Variants in MYO6 observed in about 807,000 individuals in gnomAD.
The protein encoded by MYO6 is myosin VI.
In MYO6, 74 loss-of-function variants were observed where a neutral mutation model predicts 178.7. The observed-to-expected ratio is 0.41, with a 90% CI of 0.34 to 0.50. MYO6 has a LOEUF of 0.50. Ranked by LOEUF, MYO6 falls within the 20% of genes least tolerant of loss-of-function variation. The pLI is 0.09. For missense variants in MYO6, 1,330 were observed against 1,547.4 expected (o/e 0.86, Z 2.36); for synonymous variants, 477 against 504.6 (o/e 0.95, Z 0.73).
chr6:75,895,611 G>A (rs1019502633), intron 29 of MYO6, among the ~76,000 whole-genome samples: 11 of 150,878 alleles, frequency 7.3e-5, no homozygotes, highest in Non-Finnish European at 1.6e-4. Flanking sequence ...TCTGCCTCTC[G>A]GGTTCAAGCG....
At chr6:75,822,300 GT>G (rs1771969113) in intron 2 of MYO6, among the ~76,000 whole-genome samples, 1 of 152,018 alleles carries the variant, frequency 6.6e-6, no homozygotes, top group Non-Finnish European at 1.5e-5. Flanking sequence ...GTTCTACCAT[GT>G]TGGCCAGGCT....
intron 30 of MYO6, among the ~76,000 whole-genome samples, chr6:75,901,708 C>A (rs1562305105): frequency 6.6e-6 from 1 of 152,100 alleles, no homozygotes; most frequent in Non-Finnish European, 1.5e-5. Context: ...TAATTGAATA[C>A]CCTTTATTTC....
intron 1 of MYO6, among the ~76,000 whole-genome samples, chr6:75,786,529 T>C (rs1375076791): frequency 1.3e-5 from 2 of 152,222 alleles, no homozygotes; most frequent in African/African-American, 4.8e-5. Context: ...TCATAGTGTG[T>C]TGCTTACTTT....
chr6:75,836,232 A>G lies in MYO6; in HGVS notation c.553+276A>G, dbSNP rs1474903026. 5.3e-5 allele frequency among the ~76,000 whole-genome samples: 8 copies of G among 152,246 alleles called. No homozygotes were observed. In the East Asian group the frequency reaches 1.3e-3, roughly 26 times the overall value. ...GCATAAATATCTGTTGAATGAATGA[A>G]AGAATACAGGAATGTCTTTAGCTTC... On this transcript the variant is annotated intron_variant, in intron 7 of 34. Coordinates refer to ENST00000369977, the MANE Select transcript of MYO6 (RefSeq NM_004999.4).
In MYO6 at chr6:75,852,935, C is replaced by T. The variant is rs533531319; in HGVS notation, c.1079-2204C>T. 5.3e-5 allele frequency among the ~76,000 whole-genome samples: 8 copies of T among 152,298 alleles called. No individual in the cohort carries two copies. The South Asian group carries it at 1.7e-3, about 32-fold the overall frequency. ...GAACTGTCAGACTTTTTCAAAGCAG[C>T]TTTTCCACTTTACAAAGCTATTCCC... On this transcript the variant is annotated intron_variant, in intron 11 of 34. Coordinates refer to ENST00000369977, the MANE Select transcript of MYO6 (RefSeq NM_004999.4).
chr6:75,854,706 T>C (rs1775587419), intron 11 of MYO6, among the ~76,000 whole-genome samples: 1 of 152,160 alleles, frequency 6.6e-6, no homozygotes, highest in Non-Finnish European at 1.5e-5. Flanking sequence ...CATAGACAGA[T>C]ATGTACATCC....
At chr6:75,756,968 CATATATA>C (rs1777436326) in intron 1 of MYO6, among the ~76,000 whole-genome samples, 1 of 25,386 alleles carries the variant, frequency 3.9e-5, no homozygotes, top group Admixed American at 6.0e-4. Flanking sequence ...TGTATACACA[CATATATA>C]GTGTGTATAT....
intron 4 of MYO6, 84 bp downstream of exon 4, chr6:75,828,697 T>A (rs1455534373): frequency 1.1e-6 from 1 of 896,880 alleles, no homozygotes; most frequent in African/African-American, 1.6e-5. Context: ...CTTGAAATTG[T>A]CTAACAGAAA....
intron 1 of MYO6, among the ~76,000 whole-genome samples, chr6:75,795,246 A>T (rs558951157): frequency 6.6e-6 from 1 of 152,328 alleles, no homozygotes; most frequent in East Asian, 1.9e-4. Flanking sequence ...TCAAGGCAAA[A>T]TGCCTGCAGC....
At chr6:75,913,407 A>G (rs1448230783) in intron 33 of MYO6, among the ~76,000 whole-genome samples, 1 of 152,176 alleles carries the variant, frequency 6.6e-6, no homozygotes, top group East Asian at 1.9e-4. Context: ...ATTCTAAGAG[A>G]AATCTGATTT....
intron 1 of MYO6, among the ~76,000 whole-genome samples, chr6:75,790,054 CA>C (rs1264646663): frequency 6.6e-6 from 1 of 152,168 alleles, no homozygotes; most frequent in African/African-American, 2.4e-5. Context: ...TGTGTTCCTG[CA>C]AATGACAGGA....
intron 7 of MYO6, among the ~76,000 whole-genome samples, chr6:75,839,277 C>T (rs775392559): frequency 1.4e-4 from 22 of 152,040 alleles, no homozygotes; most frequent in Non-Finnish European, 2.5e-4. Context: ...CAAGCTCTGC[C>T]TCCGGGGTTC....
intron 33 of MYO6, among the ~76,000 whole-genome samples, chr6:75,912,158 C>T (rs1306491778): frequency 6.6e-6 from 1 of 151,954 alleles, no homozygotes; most frequent in Non-Finnish European, 1.5e-5. Flanking sequence ...AATGATACCT[C>T]CTTAAATAGG....
intron 1 of MYO6, among the ~76,000 whole-genome samples, chr6:75,790,871 G>A (rs2150084783): frequency 6.6e-6 from 1 of 152,180 alleles, no homozygotes; most frequent in Middle Eastern, 3.4e-3. Flanking sequence ...ATGTAATTAT[G>A]CAGATGTCAT....
intron 23 of MYO6, among the ~76,000 whole-genome samples, chr6:75,883,819 A>G (rs1450149890): frequency 6.6e-6 from 1 of 152,222 alleles, no homozygotes; most frequent in African/African-American, 2.4e-5. Flanking sequence ...AGTGCTAGGT[A>G]CATGAAAAGG....
chr6:75,769,453 G>A (rs1778725207), intron 1 of MYO6, among the ~76,000 whole-genome samples: 1 of 152,308 alleles, frequency 6.6e-6, no homozygotes, highest in African/African-American at 2.4e-5. Context: ...AAAGAAAGGG[G>A]TTACAGGTCC....
At chr6:75,819,407 A>G (rs1562204071) in intron 2 of MYO6, among the ~76,000 whole-genome samples, 1 of 152,232 alleles carries the variant, frequency 6.6e-6, no homozygotes, top group Non-Finnish European at 1.5e-5. Context: ...TCAGCTTCAA[A>G]ATAATTATTA....
intron 1 of MYO6, among the ~76,000 whole-genome samples, chr6:75,753,211 T>C (rs1007227625): frequency 1.3e-5 from 2 of 152,092 alleles, no homozygotes; most frequent in Non-Finnish European, 2.9e-5. Context: ...GTTGGGTGGC[T>C]ACCATTACGG....
intron 1 of MYO6, among the ~76,000 whole-genome samples, chr6:75,808,911 A>C (rs2150139997): frequency 6.6e-6 from 1 of 152,298 alleles, no homozygotes; most frequent in South Asian, 2.1e-4. Flanking sequence ...TAAGAGACAA[A>C]CTATTGCATT....
Sources: allele counts gnomAD v4.1 joint callset (sites outside exome capture counted in the v4.1 genomes callset), GRCh38; gene constraint gnomAD v4.1.1; transcripts MANE v1.5; gene names NCBI Gene and HGNC (gene_info 2026-07-23, HGNC 2026-07-21).